The following DLG2 variants were observed in gnomAD, a reference collection of about 807,000 sequenced individuals.
DLG2 encodes disks large homolog 2.
DLG2 carries 45 observed loss-of-function variants against 132.5 expected under a neutral mutation model. The ratio of observed to expected loss-of-function variants is 0.34; its 90% CI spans 0.27 to 0.44. The LOEUF is 0.44. Among genes scored for constraint, DLG2 ranks in the 20% least tolerant of loss-of-function variants. DLG2 has a pLI of 1.00. For missense variants in DLG2, 1,045 were observed against 1,196.9 expected (o/e 0.87, Z 1.87); for synonymous variants, 424 against 419.6 (o/e 1.01, Z -0.13).
At chr11:85,430,559 A>G (rs1262083314) in intron 3 of DLG2, among the ~76,000 whole-genome samples, 5 of 152,148 alleles carry the variant, frequency 3.3e-5, no homozygotes, top group Non-Finnish European at 5.9e-5. Flanking sequence ...GATATTAATG[A>G]TATCTTATGA....
chr11:83,864,660 G>A (rs11233769), intron 16 of DLG2, among the ~76,000 whole-genome samples: 9,037 of 152,146 alleles, frequency 0.059, 363 homozygotes, highest in Admixed American at 0.1. Flanking sequence ...GATAAACATC[G>A]CTGGCTGTTT....
rs373406871 is a variant in DLG2, at chr11:85,019,916, C to T, written c.357+91745G>A. 2.1e-4 allele frequency among the ~76,000 whole-genome samples: 32 copies of T among 152,192 alleles called. No homozygotes were observed. In the South Asian group the frequency reaches 6.6e-3, roughly 32 times the overall value. The stretch of plus-strand genomic sequence containing the variant: ...AGTTCTTTGCTATCGTGAATAGTGC[C>T]GCAGTAAACATACGTGTGCATGTGT... On this transcript the variant is annotated intron_variant, in intron 6 of 27. Transcript: ENST00000376104.
chr11:84,675,364 A>G (rs970383080), intron 6 of DLG2, among the ~76,000 whole-genome samples: 32 of 152,232 alleles, frequency 2.1e-4, no homozygotes, highest in East Asian at 7.7e-4. Flanking sequence ...AGTTGCCATT[A>G]CTGTTAGGGA....
chr11:83,805,646 T>C (rs1354056061), intron 17 of DLG2, among the ~76,000 whole-genome samples: 1 of 152,104 alleles, frequency 6.6e-6, no homozygotes, highest in East Asian at 1.9e-4. Context: ...CACTCTACTT[T>C]TCTTTAAATA....
chr11:83,828,392 CAAAT>C (rs1352629385), intron 17 of DLG2, among the ~76,000 whole-genome samples: 1 of 152,160 alleles, frequency 6.6e-6, no homozygotes, highest in Non-Finnish European at 1.5e-5. Flanking sequence ...GACTCCGTCA[CAAAT>C]AATAATAACA....
At chr11:84,499,716 GTC>G (rs1325311922) in intron 7 of DLG2, among the ~76,000 whole-genome samples, 3 of 151,532 alleles carry the variant, frequency 2.0e-5, no homozygotes, top group Non-Finnish European at 4.4e-5. Context: ...CTCTCTTTCT[GTC>G]TCTCTCTGTT....
At chr11:85,423,317 T>C (rs868190209) in intron 3 of DLG2, among the ~76,000 whole-genome samples, 11 of 152,186 alleles carry the variant, frequency 7.2e-5, no homozygotes, top group Admixed American at 2.6e-4. Flanking sequence ...TACCAGCACC[T>C]TTTCCAGTGG....
At chr11:84,566,620 T>TA (rs566412006) in intron 6 of DLG2, among the ~76,000 whole-genome samples, 3 of 152,164 alleles carry the variant, frequency 2.0e-5, no homozygotes, top group South Asian at 2.1e-4. Flanking sequence ...TGAGTTACTG[T>TA]AAAAAATATC....
chr11:84,745,747 A>G (rs2065279047), intron 6 of DLG2, among the ~76,000 whole-genome samples: 2 of 152,244 alleles, frequency 1.3e-5, no homozygotes, highest in Non-Finnish European at 1.5e-5. Context: ...AGCCATCATA[A>G]GATCAAATAT....
At chr11:83,906,407 G>T (rs1026803884) in intron 15 of DLG2, among the ~76,000 whole-genome samples, 1 of 151,656 alleles carries the variant, frequency 6.6e-6, no homozygotes, top group Non-Finnish European at 1.5e-5. Flanking sequence ...TACATACATA[G>T]TTCGGGAGAT....
At chr11:84,580,705 T>C (rs1481937707) in intron 6 of DLG2, among the ~76,000 whole-genome samples, 2 of 152,210 alleles carry the variant, frequency 1.3e-5, no homozygotes, top group Non-Finnish European at 2.9e-5. Context: ...AGCAAGCTAT[T>C]TGGACATTAT....
chr11:83,682,263 C>T (rs2078959077), intron 18 of DLG2: 1 of 985,290 alleles, frequency 1.0e-6, no homozygotes, highest in Admixed American at 6.2e-5. Context: ...CCGGTTCACA[C>T]TTGCCTTTAT....
chr11:84,850,196 A>T (rs1407000527), intron 6 of DLG2, among the ~76,000 whole-genome samples: 1 of 152,130 alleles, frequency 6.6e-6, no homozygotes, highest in Non-Finnish European at 1.5e-5. Context: ...ATTCTGACCA[A>T]TGGTATGAGA....
chr11:83,874,545 T>A (rs953200085), intron 15 of DLG2, 57 bp from the exon 16 acceptor site: 4 of 1,357,770 alleles, frequency 2.9e-6, no homozygotes, highest in Non-Finnish European at 4.0e-6. Flanking sequence ...TTTTTTTATT[T>A]TTTTATTATA....
chr11:83,781,573 C>T (rs752463987), intron 18 of DLG2, among the ~76,000 whole-genome samples: 1 of 152,114 alleles, frequency 6.6e-6, no homozygotes, highest in Non-Finnish European at 1.5e-5. Flanking sequence ...CACTATCTAC[C>T]GAAGTTCCTC....
chr11:84,969,424 T>C (rs968403815), intron 6 of DLG2, among the ~76,000 whole-genome samples: 1 of 152,192 alleles, frequency 6.6e-6, no homozygotes, highest in African/African-American at 2.4e-5. Flanking sequence ...CTCTTCTCTA[T>C]ATCTTCTAGA....
intron 3 of DLG2, among the ~76,000 whole-genome samples, chr11:85,485,455 T>G (rs185492037): frequency 1.3e-5 from 2 of 152,284 alleles, no homozygotes; most frequent in East Asian, 3.9e-4. Context: ...TAGAAGCAGC[T>G]AGTACACACC....
chr11:84,313,029 C>G (rs1231181132), intron 7 of DLG2, among the ~76,000 whole-genome samples: 1 of 152,024 alleles, frequency 6.6e-6, no homozygotes, highest in Non-Finnish European at 1.5e-5. Context: ...CCAAGATGGT[C>G]TCAATCTCTT....
chr11:85,212,164 A>G (rs1303960610), intron 4 of DLG2, among the ~76,000 whole-genome samples: 1 of 152,114 alleles, frequency 6.6e-6, no homozygotes, highest in Non-Finnish European at 1.5e-5. Flanking sequence ...GAAGAGTAGT[A>G]CACCTCGACC....
Sources: gnomAD v4.1 joint callset for allele counts (sites outside exome capture counted in the v4.1 genomes callset) on GRCh38, gnomAD v4.1.1 for gene constraint, MANE v1.5 for transcripts, NCBI Gene and HGNC (gene_info 2026-07-23, HGNC 2026-07-21) for gene names.